Variants in CCZ1 observed in about 807,000 individuals in gnomAD.
The protein encoded by CCZ1 is vacuolar fusion protein CCZ1 homolog.
In CCZ1, 19 loss-of-function variants were observed where a neutral mutation model predicts 57.8. The ratio of observed to expected loss-of-function variants is 0.33; its 90% CI spans 0.23 to 0.48. The LOEUF (loss-of-function observed/expected upper bound fraction) is 0.48. CCZ1 is among the 20% of genes least tolerant of loss of function. The pLI, the probability that CCZ1 is intolerant of heterozygous loss-of-function variation, is 0.99. For missense variants in CCZ1, 200 were observed against 492.0 expected (o/e 0.41, Z 5.61); for synonymous variants, 81 against 167.0 (o/e 0.49, Z 3.97).
rs199548480 is a variant in CCZ1, at chr7:5,900,505, T to C, written c.251T>C (p.Leu84Ser). The C allele has an allele frequency of 1.0e-3, 1,645 of 1,601,020 alleles. 6 individuals carry two copies. Among genetic ancestry groups the C allele is most frequent in the Non-Finnish European group, 1.3e-3 (1,556 of 1,177,668 alleles). The change falls in exon 3 of 15, where the codon TTA (leucine) becomes TCA (serine). Residue 84 changes from leucine to serine, a missense_variant. This residue lies in a region of CCZ1 where 44 missense variants were observed against 122.8 expected (regional missense o/e 0.36). Transcript: ENST00000325974. Reference sequence around the variant, plus strand: ...AGCCCATCAAAACCTGCAAAATCTTTACATACACAGAAGAACAGACAGTTC... The same window carrying C: ...AGCCCATCAAAACCTGCAAAATCTTCACATACACAGAAGAACAGACAGTTC... ...TFSPSKPAKS[L>S]HTQKNRQFFN...
At position 5,906,151 on chromosome 7, in the gene CCZ1, G is replaced by T. The variant is rs1422398712; in HGVS notation, c.698+882G>T. 7.6e-4 allele frequency among the ~76,000 whole-genome samples: 112 copies of T among 147,540 alleles called. 5 individuals are homozygous for T. Among genetic ancestry groups the T allele is most frequent in the African/African-American group, 2.7e-3 (107 of 39,862 alleles). On this transcript the variant is annotated intron_variant, in intron 7 of 14. Coordinates refer to ENST00000325974, the MANE Select transcript of CCZ1 (RefSeq NM_015622.6). The stretch of plus-strand genomic sequence containing the variant: ...AAACTAGGTTTGTGTCCTGCAGTAG[G>T]AACAACGTGGGCACAAGACTGCCCA...
At chr7:5,905,530 T>C (rs1312080865) in intron 7 of CCZ1, among the ~76,000 whole-genome samples, 1 of 146,458 alleles carries the variant, frequency 6.8e-6, no homozygotes, top group Non-Finnish European at 1.5e-5. Context: ...ACACCTGTAA[T>C]CTTAGCACTT....
intron 9 of CCZ1, among the ~76,000 whole-genome samples, chr7:5,912,378 T>C (rs1277077988): frequency 1.2e-3 from 6 of 5,126 alleles, no homozygotes; most frequent in Middle Eastern, 0.12. Context: ...CAGCATACCC[T>C]TTTTTTTTTT....
In CCZ1 at chr7:5,906,087, C is replaced by T. The variant is rs1319689321; in HGVS notation, c.698+818C>T. 8.2e-5 allele frequency among the ~76,000 whole-genome samples: 12 copies of T among 145,874 alleles called. 1 individual carries two copies. Among genetic ancestry groups the T allele is most frequent in the African/African-American group, 2.5e-4 (10 of 39,226 alleles). ...TTCTTTTTTTTTAATCCAAGAAATC[C>T]AAAGTGTTATATAAACCAGGAAATT... is the stretch of plus-strand genomic sequence containing the variant. On this transcript the variant is annotated intron_variant, in intron 7 of 14. Coordinates refer to ENST00000325974, the MANE Select transcript of CCZ1 (RefSeq NM_015622.6).
At chr7:5,905,781 CAAAAAAAAAAAAAAA>C (rs796636886) in intron 7 of CCZ1, among the ~76,000 whole-genome samples, 3,280 of 44,506 alleles carry the variant, frequency 0.074, 378 homozygotes, top group African/African-American at 0.22. Flanking sequence ...ACTCTGTCTC[CAAAAAAAAAAAAAAA>C]AAAAAAAAAA....
chr7:5,918,057 GCTATAAA>G (rs1242433944), intron 10 of CCZ1: 2 of 130,998 alleles, frequency 1.5e-5, no homozygotes, highest in Non-Finnish European at 3.2e-5. Context: ...GAAATAGAAT[GCTATAAA>G]CCATAGAGGA....
intron 7 of CCZ1, among the ~76,000 whole-genome samples, chr7:5,906,424 G>C (rs1350680271): frequency 2.1e-5 from 3 of 146,034 alleles, no homozygotes; most frequent in Non-Finnish European, 4.5e-5. Context: ...CTGGGTTCAA[G>C]CGATTCTCCT....
rs2128610301 is a variant in CCZ1, at chr7:5,901,534, T to C, written c.391-123T>C. On this transcript the variant is annotated intron_variant, in intron 4 of 14. Transcript: ENST00000325974. ...ACACTTTTTTTTCAGCACGCAACTA[T>C]TGTGGGACAAAGTTTATAAACATTA... 10 of 1,413,356 alleles carry C rather than the reference T, an allele frequency of 7.1e-6. 1 individual carries two copies. In the Middle Eastern group the frequency reaches 5.7e-4, roughly 80 times the overall value. The allele number at this position is 1,413,356 out of a possible 1,614,324, so 87.6% of individuals were successfully genotyped here.
At chr7:5,920,487 T>TTTTTTTTTTTTTTA (rs1360301005) in intron 12 of CCZ1, among the ~76,000 whole-genome samples, 1 of 117,396 alleles carries the variant, frequency 8.5e-6, no homozygotes, top group African/African-American at 3.3e-5. Flanking sequence ...TTTTTTTTTT[T>TTTTTTTTTTTTTTA]GAGACAAATT....
intron 5 of CCZ1, 104 bp from the exon 6 acceptor site, chr7:5,902,557 T>C (rs1781708377): frequency 7.1e-7 from 1 of 1,406,938 alleles, no homozygotes; most frequent in Non-Finnish European, 9.3e-7. Context: ...ACTGGGAGAT[T>C]TAATGAGCTG....
chr7:5,916,632 C>T (rs150056604), intron 10 of CCZ1, among the ~76,000 whole-genome samples: 1,842 of 147,434 alleles, frequency 0.012, 194 homozygotes, highest in African/African-American at 0.046. Flanking sequence ...GGATGTGTGG[C>T]TGTCTCTATG....
intron 1 of CCZ1, among the ~76,000 whole-genome samples, chr7:5,899,371 GTGTGTGTGTGTGGTTT>G (rs1781629789): frequency 7.4e-6 from 1 of 134,360 alleles, no homozygotes; most frequent in South Asian, 2.4e-4. Context: ...GTGTGTGTGT[GTGTGTGTGTGTGGTTT>G]TTCTGAGGTG....
chr7:5,902,578 C>CT (rs1781708792), intron 5 of CCZ1, 83 bp from the exon 6 acceptor site: 1 of 1,468,006 alleles, frequency 6.8e-7, no homozygotes, highest in Non-Finnish European at 9.0e-7. Flanking sequence ...AATTAATAAT[C>CT]TAAAGGAAAA....
rs1583181112 is a variant in CCZ1 at position 5,902,572 on chromosome 7, A to G, written c.439-89A>G. On this transcript the variant is annotated intron_variant, in intron 5 of 14. Transcript: ENST00000325974. Reference sequence around the variant, plus strand: ...ACTGGGAGATTTAATGAGCTGAATTAATAATCTAAAGGAAAAAAAGAACTT... The same window carrying G: ...ACTGGGAGATTTAATGAGCTGAATTGATAATCTAAAGGAAAAAAAGAACTT... 13 of 1,443,350 alleles carry G rather than the reference A, an allele frequency of 9.0e-6. 1 individual carries two copies. Among genetic ancestry groups the G allele is most frequent in the African/African-American group, 5.9e-5 (4 of 67,286 alleles). The allele number at this position is 1,443,350 out of a possible 1,614,324, so 89.4% of individuals were successfully genotyped here.
At chr7:5,900,751 G>C (rs969915393) in intron 3 of CCZ1, 104 bp from the exon 4 acceptor site, 4 of 1,575,364 alleles carry the variant, frequency 2.5e-6, no homozygotes, top group Non-Finnish European at 3.4e-6. Context: ...GTTTTAAGAA[G>C]CTATGTTTCT....
chr7:5,906,218 G>A lies in CCZ1; in HGVS notation c.698+949G>A, dbSNP rs901226845. 2.0e-5 allele frequency among the ~76,000 whole-genome samples: 3 copies of A among 148,270 alleles called. No homozygotes were observed. The Middle Eastern group carries it at 0.01, about 508-fold the overall frequency. ...AGAGCTGGGTGGCAACCGAGGTTGT[G>A]CACATTTGGCCTAGAGTAGGTGGAC... On this transcript the variant is annotated intron_variant, in intron 7 of 14. Coordinates refer to ENST00000325974, the MANE Select transcript of CCZ1 (RefSeq NM_015622.6).
chr7:5,906,523 A>G (rs116134951), intron 7 of CCZ1, among the ~76,000 whole-genome samples: 2,874 of 147,794 alleles, frequency 0.019, 257 homozygotes, highest in African/African-American at 0.067. Context: ...AGGTTTTACC[A>G]TGTTGGCCAG....
intron 1 of CCZ1, 112 bp downstream of exon 1, chr7:5,899,031 G>A: frequency 5.1e-6 from 1 of 196,920 alleles, no homozygotes; most frequent in Non-Finnish European, 8.4e-6. Context: ...TGTGCCAGGT[G>A]CGAGTCCGGG....
intron 6 of CCZ1, among the ~76,000 whole-genome samples, chr7:5,903,452 T>A (rs1583181700): frequency 7.0e-6 from 1 of 142,380 alleles, no homozygotes; most frequent in East Asian, 2.4e-4. Flanking sequence ...CTCAATTTAT[T>A]TTCTTCTGAA....
Sources: gnomAD v4.1 joint callset for allele counts (sites outside exome capture counted in the v4.1 genomes callset) on GRCh38, gnomAD v4.1.1 for gene constraint, gnomAD v4.1.1 regional missense constraint, MANE v1.5 for transcripts, NCBI Gene and HGNC (gene_info 2026-07-23, HGNC 2026-07-21) for gene names.